Variants in MNAT1 observed in about 807,000 individuals in gnomAD.
MNAT1 encodes MNAT1 component of CDK activating kinase, also known as CDK-activating kinase assembly factor MAT1.
A neutral mutation model predicts 42.0 loss-of-function variants in MNAT1; 43 were observed. That is an observed-to-expected ratio of 1.02 (90% CI 0.80 to 1.32). The LOEUF (loss-of-function observed/expected upper bound fraction) is 1.32. MNAT1 is among the 40% of genes most tolerant of loss of function. The pLI is 0.00. For missense variants in MNAT1, 306 were observed against 350.4 expected (o/e 0.87, Z 1.01); for synonymous variants, 118 against 120.0 (o/e 0.98, Z 0.11).
chr14:60,799,699 AATAT>A (rs968743905), intron 3 of MNAT1, among the ~76,000 whole-genome samples: 7 of 147,910 alleles, frequency 4.7e-5, no homozygotes, highest in African/African-American at 1.7e-4. Context: ...TGATTAAAAA[AATAT>A]ATATATATAT....
intron 7 of MNAT1, among the ~76,000 whole-genome samples, chr14:60,903,865 GTTTTTTTTTTT>G (rs35825181): frequency 8.6e-6 from 1 of 115,742 alleles, no homozygotes; most frequent in African/African-American, 3.2e-5. Flanking sequence ...ACCCATGTAA[GTTTTTTTTTTT>G]TTTTTTTTTT....
At chr14:60,862,436 G>A (rs2139435723) in intron 6 of MNAT1, among the ~76,000 whole-genome samples, 1 of 152,202 alleles carries the variant, frequency 6.6e-6, no homozygotes, top group East Asian at 1.9e-4. Context: ...AAGGATAAAT[G>A]TTGTGAAATA....
intron 7 of MNAT1, among the ~76,000 whole-genome samples, chr14:60,962,091 T>C (rs1371746810): frequency 6.6e-6 from 1 of 152,208 alleles, no homozygotes; most frequent in Non-Finnish European, 1.5e-5. Flanking sequence ...TTTGCCTTAC[T>C]CTGTCTCTTC....
Position 60,868,432 on chromosome 14 carries a change from G to A in MNAT1, c.688-11282G>A, listed in dbSNP as rs1343633451. 2.6e-5 allele frequency among the ~76,000 whole-genome samples: 4 copies of A among 152,286 alleles called. No homozygotes were observed. In the East Asian group the frequency reaches 7.7e-4, roughly 29 times the overall value. Reference sequence around the variant, plus strand: ...ACCAGAATGAAATATTCTGGTTTCTGATTCCACTTAGTAAGGTAACATATT... The same window carrying A: ...ACCAGAATGAAATATTCTGGTTTCTAATTCCACTTAGTAAGGTAACATATT... On this transcript the variant is annotated intron_variant, in intron 6 of 7. Transcript: ENST00000261245.
chr14:60,851,879 A>G (rs576730633), intron 6 of MNAT1, among the ~76,000 whole-genome samples: 5 of 151,836 alleles, frequency 3.3e-5, no homozygotes, highest in African/African-American at 1.2e-4. Context: ...AAGGACATGA[A>G]CTCTTTCTTT....
At chr14:60,872,764 C>G (rs1369417910) in intron 6 of MNAT1, among the ~76,000 whole-genome samples, 1 of 150,670 alleles carries the variant, frequency 6.6e-6, no homozygotes, top group African/African-American at 2.4e-5. Flanking sequence ...GAAAATAAGA[C>G]AATGAATACT....
intron 1 of MNAT1, among the ~76,000 whole-genome samples, chr14:60,786,740 T>C (rs1277277388): frequency 6.6e-6 from 1 of 152,208 alleles, no homozygotes; most frequent in Non-Finnish European, 1.5e-5. Flanking sequence ...AAAACTAGAT[T>C]CTCACATCTG....
intron 6 of MNAT1, among the ~76,000 whole-genome samples, chr14:60,868,396 A>C (rs1026620010): frequency 2.0e-5 from 3 of 152,182 alleles, no homozygotes; most frequent in Non-Finnish European, 4.4e-5. Context: ...GAATTACAGT[A>C]GTTTAAAGCT....
intron 7 of MNAT1, among the ~76,000 whole-genome samples, chr14:60,937,522 C>T (rs1594891446): frequency 6.6e-6 from 1 of 152,226 alleles, no homozygotes; most frequent in Non-Finnish European, 1.5e-5. Flanking sequence ...TCAGGTTTGT[C>T]AAAGATCAGA....
chr14:60,939,203 G>T (rs538185116), intron 7 of MNAT1, among the ~76,000 whole-genome samples: 78 of 152,060 alleles, frequency 5.1e-4, no homozygotes, highest in African/African-American at 1.8e-3. Flanking sequence ...TCATTGATTT[G>T]TTGAAGGGTT....
At chr14:60,909,215 G>T (rs958122872) in intron 7 of MNAT1, among the ~76,000 whole-genome samples, 2 of 151,984 alleles carry the variant, frequency 1.3e-5, no homozygotes, top group Non-Finnish European at 2.9e-5. Context: ...TGTAGATTCT[G>T]GATATTAGCC....
In MNAT1 at chr14:60,964,196, G is replaced by C. The variant is rs58230510; in HGVS notation, c.810-4033G>C. Among the ~76,000 whole-genome samples, 1,008 of 152,308 alleles carry C rather than the reference G, an allele frequency of 6.6e-3. 13 individuals are homozygous for C. The highest frequency in any genetic ancestry group is 0.023 in the African/African-American group (966 of 41,570). ...CAAAATATAACACAAGAAAATGACAGTGTAGGAAACCAAAGTTCAGGAACA... is the reference window on the plus strand; with the variant it reads ...CAAAATATAACACAAGAAAATGACACTGTAGGAAACCAAAGTTCAGGAACA... On this transcript the variant is annotated intron_variant, in intron 7 of 7. Transcript: ENST00000261245.
chr14:60,935,236 C>A (rs2035968720), intron 7 of MNAT1, among the ~76,000 whole-genome samples: 1 of 151,952 alleles, frequency 6.6e-6, no homozygotes, highest in Non-Finnish European at 1.5e-5. Flanking sequence ...ATATTTCAGG[C>A]AATTGTCACC....
intron 6 of MNAT1, among the ~76,000 whole-genome samples, chr14:60,846,103 TCCTCTCTTTTCCCTC>T (rs1421458641): frequency 2.6e-5 from 4 of 151,948 alleles, no homozygotes; most frequent in Non-Finnish European, 5.9e-5. Context: ...TCTTTTTCCT[TCCTCTCTTTTCCCTC>T]CCTCTCTTCC....
At chr14:60,825,385 T>G (rs950829640) in intron 6 of MNAT1, among the ~76,000 whole-genome samples, 1 of 152,182 alleles carries the variant, frequency 6.6e-6, no homozygotes. Flanking sequence ...TTTATGAAGT[T>G]AAGTATTTTT....
At chr14:60,849,029 C>T (rs1216966111) in intron 6 of MNAT1, among the ~76,000 whole-genome samples, 2 of 151,984 alleles carry the variant, frequency 1.3e-5, no homozygotes, top group African/African-American at 4.8e-5. Context: ...GAGCAATAGC[C>T]AGGCAACTGA....
chr14:60,913,799 G>T (rs1020106726), intron 7 of MNAT1, among the ~76,000 whole-genome samples: 15 of 152,222 alleles, frequency 9.9e-5, no homozygotes, highest in African/African-American at 3.4e-4. Flanking sequence ...GAGGCAGTCT[G>T]TCGGTGTTCA....
intron 1 of MNAT1, among the ~76,000 whole-genome samples, chr14:60,747,106 C>A (rs943362658): frequency 6.7e-5 from 10 of 150,188 alleles, no homozygotes; most frequent in Admixed American, 6.6e-4. Context: ...CTGCCTCAGC[C>A]TCCTGAGTAG....
intron 7 of MNAT1, among the ~76,000 whole-genome samples, chr14:60,957,844 T>TA (rs1185188688): frequency 6.7e-6 from 1 of 148,488 alleles, no homozygotes; most frequent in African/African-American, 2.5e-5. Context: ...TACTTTGATG[T>TA]TTTTTTTTTG....
Sources: allele counts gnomAD v4.1 joint callset (sites outside exome capture counted in the v4.1 genomes callset), GRCh38; gene constraint gnomAD v4.1.1; transcripts MANE v1.5; gene names NCBI Gene and HGNC (gene_info 2026-07-23, HGNC 2026-07-21).